The following LLGL2 variants were observed in gnomAD, a reference collection of about 807,000 sequenced individuals.
The protein encoded by LLGL2 is LLGL2, scribble cell polarity complex component.
Under a neutral mutation model 123.2 loss-of-function variants are expected in LLGL2, and 81 were observed. The observed-to-expected ratio is 0.66, with a 90% CI of 0.55 to 0.79. The LOEUF is 0.79. Among genes scored for constraint, LLGL2 ranks in the 30% least tolerant of loss-of-function variants. The probability of loss-of-function intolerance (pLI) is 0.00; values close to 1 mark genes in which losing one functional copy is unlikely to be tolerated. For synonymous variants in LLGL2, 577 were observed against 594.1 expected (o/e 0.97, Z 0.42); for missense variants, 1,273 against 1,414.6 (o/e 0.90, Z 1.61).
chr17:75,528,782 T>C (rs1170566473), intron 1 of LLGL2, among the ~76,000 whole-genome samples: 1 of 151,854 alleles, frequency 6.6e-6, no homozygotes, highest in African/African-American at 2.4e-5. Flanking sequence ...TCCCAGGTGA[T>C]CGCTGTTCAT....
At chr17:75,551,710 C>T (rs911152287) in intron 2 of LLGL2, among the ~76,000 whole-genome samples, 2 of 152,160 alleles carry the variant, frequency 1.3e-5, no homozygotes, top group African/African-American at 2.4e-5. Context: ...TCTCTGTGGC[C>T]TGACGTTCCT....
Position 75,573,018 on chromosome 17 carries a change from T to G in LLGL2, c.2465T>G (p.Phe822Cys). The stretch of plus-strand genomic sequence containing the variant: ...ACAACCACCCCACGCCCCCAGGTGT[T>G]CACGCTGCCCAAGGTGAGTGCCAAG... ...LVVSEEQFKV[F>C]TLPKVSAKLK... Residue 822 changes from phenylalanine (F) to cysteine (C), a missense_variant, in exon 20 of 26, where the codon TTC becomes TGC. By Grantham distance (205) the Phe-to-Cys change is radical. Transcript: ENST00000392550. The G allele has an allele frequency of 6.2e-7, 1 of 1,602,906 alleles. No homozygotes were observed. Among genetic ancestry groups the G allele is most frequent in the Non-Finnish European group, 8.5e-7 (1 of 1,172,260 alleles).
At position 75,562,953 on chromosome 17, in the gene LLGL2, C is replaced by A. The variant is rs959491679; in HGVS notation, c.531-63C>A. ...TGCATAGGGAGCCCCATGGCTGTGC[C>A]ATGCTGGGGGCCATTCCCCCTGGTG... On this transcript the variant is annotated intron_variant, in intron 6 of 25. Transcript: ENST00000392550. 1.5e-5 allele frequency: 24 copies of A among 1,588,426 alleles called. No homozygotes were observed. The East Asian group carries it at 4.7e-4, about 31-fold the overall frequency.
Position 75,570,094 on chromosome 17 carries a change from G to A in LLGL2, c.1713G>A (p.Val571=), listed in dbSNP as rs765378111. The A allele has an allele frequency of 1.2e-6, 2 of 1,609,852 alleles. No individual in the cohort carries two copies. Among genetic ancestry groups the A allele is most frequent in the African/African-American group, 1.3e-5 (1 of 74,896 alleles). Residue 571 remains valine, a synonymous_variant, in exon 15 of 26, where the codon GTG becomes GTA. Coordinates refer to ENST00000392550, the MANE Select transcript of LLGL2 (RefSeq NM_001031803.2). ...HERLAARSGP[V]RFEPGFQPFV... is the part of the protein sequence containing the mutation. ...GCCTGGCAGCCCGCTCAGGGCCCGTGCGCTTTGAGCCTGGCTTTCAGCCCT... is the reference window on the plus strand; with the variant it reads ...GCCTGGCAGCCCGCTCAGGGCCCGTACGCTTTGAGCCTGGCTTTCAGCCCT...
At chr17:75,572,555 C>T (rs908891470) in intron 19 of LLGL2, among the ~76,000 whole-genome samples, 2 of 151,628 alleles carry the variant, frequency 1.3e-5, no homozygotes, top group African/African-American at 4.9e-5. Flanking sequence ...GTCCCAGCTA[C>T]TCAGGAGGCT....
Position 75,555,358 on chromosome 17 carries a change from A to G in LLGL2, c.76-688A>G, listed in dbSNP as rs543493919. 6.7e-5 allele frequency among the ~76,000 whole-genome samples: 10 copies of G among 148,406 alleles called. No homozygotes were observed. In the South Asian group the frequency reaches 2.1e-3, roughly 31 times the overall value. On this transcript the variant is annotated intron_variant, in intron 2 of 25. Transcript: ENST00000392550. ...AGGCTGCTCTGCCTGCCGGGTTCGC[A>G]CCATTCTCCTGCCTCAGCCTCAGTT...
At chr17:75,537,754 G>A (rs1054750792) in intron 1 of LLGL2, among the ~76,000 whole-genome samples, 12 of 151,100 alleles carry the variant, frequency 7.9e-5, no homozygotes, top group Admixed American at 5.3e-4. Context: ...CAGCCTCCTA[G>A]GACTCGGAGA....
chr17:75,544,010 G>T lies in LLGL2; in HGVS notation c.75+509G>T, dbSNP rs537184110. Among the ~76,000 whole-genome samples the T allele has an allele frequency of 7.9e-5, 12 of 152,120 alleles. No homozygotes were observed. Among genetic ancestry groups the T allele is most frequent in the Admixed American group, 2.0e-4 (3 of 15,280 alleles). ...CACGTGATTCCTTCTGGCTCCGGCC[G>T]GGGTGAGTGGGGAGAGGTGCCCAGG... is the stretch of plus-strand genomic sequence containing the variant. On this transcript the variant is annotated intron_variant, in intron 2 of 25. Transcript: ENST00000392550. The surrounding 1 kb of genome is among the most constrained non-coding windows in gnomAD (Gnocchi z 4.2).
At chr17:75,541,364 G>A (rs1406072588) in intron 1 of LLGL2, among the ~76,000 whole-genome samples, 1 of 152,228 alleles carries the variant, frequency 6.6e-6, no homozygotes, top group Admixed American at 6.5e-5. Flanking sequence ...GTTTATGAGT[G>A]TGAGCTGCCC....
At chr17:75,566,341 G>A (rs747879322) in intron 10 of LLGL2, among the ~76,000 whole-genome samples, 1 of 152,232 alleles carries the variant, frequency 6.6e-6, no homozygotes, top group Non-Finnish European at 1.5e-5. Flanking sequence ...TGGGGGACAC[G>A]GAGTGGAGCA....
At chr17:75,571,454 T>G (rs1661716) in intron 17 of LLGL2, 218,516 of 591,560 alleles carry the variant, frequency 0.37, 44,258 homozygotes, top group African/African-American at 0.66. Context: ...GGTCTCCAGA[T>G]GACGTGTCTC....
At chr17:75,563,864 G>C in intron 9 of LLGL2, 58 bp downstream of exon 9, 1 of 1,553,804 alleles carries the variant, frequency 6.4e-7, no homozygotes, top group Non-Finnish European at 8.9e-7. Flanking sequence ...GGCTAGAAAG[G>C]TCACTTAGGC....
intron 1 of LLGL2, chr17:75,533,766 G>A (rs1051020662): frequency 6.6e-6 from 1 of 152,232 alleles, no homozygotes; most frequent in Non-Finnish European, 1.5e-5. Flanking sequence ...AAGGTGATAC[G>A]GGCTATAGGG....
At chr17:75,550,636 T>G (rs1208615162) in intron 2 of LLGL2, among the ~76,000 whole-genome samples, 2 of 151,812 alleles carry the variant, frequency 1.3e-5, no homozygotes, top group Non-Finnish European at 2.9e-5. Flanking sequence ...AATACAAAAA[T>G]TAGCCAGCTG....
At chr17:75,529,716 C>T (rs2053706281) in intron 1 of LLGL2, among the ~76,000 whole-genome samples, 1 of 151,684 alleles carries the variant, frequency 6.6e-6, no homozygotes. Context: ...CAAAAATTAG[C>T]TGGGCGTGGT....
In LLGL2 at chr17:75,574,261, G is replaced by A. The variant is rs1260566595; in HGVS notation, c.2953+1G>A. ...GAGCGCGCTCTGCTCAGTGATGAGA[G>A]TGAGTTGGGTGGGAGAGGGTGGGGC... On this transcript the variant is annotated splice_donor_variant, in intron 23 of 25. Transcript: ENST00000392550. LOFTEE classifies it high-confidence loss of function. The A allele has an allele frequency of 2.0e-6, 3 of 1,482,682 alleles. No homozygotes were observed. The highest frequency in any genetic ancestry group is 2.4e-5 in the South Asian group (2 of 81,878). The allele number at this position is 1,482,682 out of a possible 1,614,324, so 91.8% of individuals were successfully genotyped here. A position where few individuals can be genotyped will look rare whatever the true frequency, so the allele number is the denominator to read the frequency against.
intron 1 of LLGL2, among the ~76,000 whole-genome samples, chr17:75,542,018 T>C (rs2054230985): frequency 6.6e-6 from 1 of 151,788 alleles, no homozygotes; most frequent in South Asian, 2.1e-4. Context: ...AGACTGCCAT[T>C]TTTTACAGTG....
intron 6 of LLGL2, among the ~76,000 whole-genome samples, chr17:75,560,164 G>A (rs1051533423): frequency 3.3e-5 from 5 of 152,228 alleles, no homozygotes; most frequent in Admixed American, 6.5e-5. Flanking sequence ...AGCAGGGCCC[G>A]TCTGCCCAGG....
In LLGL2 at chr17:75,570,422, T is replaced by TG. The variant is rs772089563; in HGVS notation, c.1950dup (p.Arg651AlafsTer34). On this transcript the variant is annotated frameshift_variant, in exon 16 of 26. Transcript: ENST00000392550. LOFTEE classifies it high-confidence loss of function. ...CGCGTCAAGTCCCTCAAGAAGTCCT[T>TG]GCGTCAGTCATTCCGCCGGATGCGT... is the stretch of plus-strand genomic sequence containing the variant. The TG allele has an allele frequency of 2.7e-5, 43 of 1,608,088 alleles. No individual in the cohort carries two copies. The highest frequency in any genetic ancestry group is 3.6e-5 in the Non-Finnish European group (42 of 1,178,108).
Sources: gnomAD v4.1 joint callset for allele counts (sites outside exome capture counted in the v4.1 genomes callset) on GRCh38, gnomAD v4.1.1 for gene constraint, Gnocchi (gnomAD v3.1) non-coding constraint, MANE v1.5 for transcripts, NCBI Gene and HGNC (gene_info 2026-07-23, HGNC 2026-07-21) for gene names.